Variants in PDE8A observed in about 807,000 individuals in gnomAD.
The protein encoded by PDE8A is high affinity cAMP-specific and IBMX-insensitive 3',5'-cyclic phosphodiesterase 8A.
Under a neutral mutation model 105.0 loss-of-function variants are expected in PDE8A, and 59 were observed. The observed-to-expected ratio is 0.56, with a 90% CI of 0.46 to 0.70. The LOEUF (loss-of-function observed/expected upper bound fraction) is 0.70, where lower values mean the gene tolerates loss of function less well. Ranked by LOEUF, PDE8A falls within the 30% of genes least tolerant of loss-of-function variation. The pLI is 0.00. For missense variants in PDE8A, 1,014 were observed against 1,045.9 expected (o/e 0.97, Z 0.42); for synonymous variants, 355 against 371.9 (o/e 0.95, Z 0.52).
intron 20 of PDE8A, among the ~76,000 whole-genome samples, chr15:85,132,172 A>G (rs764572057): frequency 6.6e-6 from 1 of 152,030 alleles, no homozygotes; most frequent in Non-Finnish European, 1.5e-5. Context: ...GGGTCTCACT[A>G]TGTTGCCCAA....
In PDE8A at chr15:85,115,972, A is replaced by G. The variant is rs758399763; in HGVS notation, c.1400-12A>G. On this transcript the variant is annotated splice_polypyrimidine_tract_variant and intron_variant, in intron 15 of 21. Transcript: ENST00000394553. ...AAAGCCTATTTGTTCTCCAAATTAC[A>G]TCACTTTACAGACACTCAAATGGTT... The G allele has an allele frequency of 1.2e-6, 2 of 1,608,612 alleles. No individual in the cohort carries two copies. The highest frequency in any genetic ancestry group is 1.7e-6 in the Non-Finnish European group (2 of 1,177,168).
intron 2 of PDE8A, among the ~76,000 whole-genome samples, chr15:85,065,236 T>C (rs1169014567): frequency 6.7e-6 from 1 of 149,308 alleles, no homozygotes; most frequent in Non-Finnish European, 1.5e-5. Context: ...ATCTGTAATT[T>C]ATCTAATTCA....
intron 5 of PDE8A, among the ~76,000 whole-genome samples, chr15:85,078,210 G>GAC (rs1252459790): frequency 1.3e-5 from 2 of 149,714 alleles, no homozygotes; most frequent in East Asian, 1.9e-4. Flanking sequence ...TCAAAAGACT[G>GAC]ACACACACAC....
chr15:84,998,727 G>A (rs1055640020), intron 1 of PDE8A, among the ~76,000 whole-genome samples: 3 of 152,004 alleles, frequency 2.0e-5, no homozygotes, highest in Admixed American at 6.6e-5. Flanking sequence ...ATTATGCCCT[G>A]TCTTTTTGTT....
intron 1 of PDE8A, among the ~76,000 whole-genome samples, chr15:85,007,462 A>C (rs1020560018): frequency 3.3e-5 from 5 of 150,974 alleles, no homozygotes; most frequent in African/African-American, 1.2e-4. Context: ...CTGGTTATAC[A>C]GGTACGTTCA....
At chr15:85,103,546 C>T (rs1670863648) in intron 11 of PDE8A, among the ~76,000 whole-genome samples, 1 of 152,178 alleles carries the variant, frequency 6.6e-6, no homozygotes, top group African/African-American at 2.4e-5. Context: ...CAGCCAAAGT[C>T]CTTGGTTATA....
At chr15:85,081,021 CTAAT>C (rs891658076) in intron 5 of PDE8A, among the ~76,000 whole-genome samples, 1 of 152,196 alleles carries the variant, frequency 6.6e-6, no homozygotes, top group Non-Finnish European at 1.5e-5. Flanking sequence ...TTAGTGCTAA[CTAAT>C]CTCATCCAGA....
intron 1 of PDE8A, 76 bp downstream of exon 1, chr15:84,982,424 G>GCCCCT: frequency 1.0e-6 from 1 of 1,001,540 alleles, no homozygotes; most frequent in Non-Finnish European, 1.3e-6. Flanking sequence ...GCAGGGGCCG[G>GCCCCT]GCGGGGTCCC....
intron 8 of PDE8A, 143 bp downstream of exon 8, chr15:85,091,324 T>C (rs1275629204): frequency 1.1e-5 from 7 of 642,760 alleles, no homozygotes; most frequent in Non-Finnish European, 1.7e-5. Flanking sequence ...CCCTGTTATA[T>C]CCATTTTGCA....
intron 20 of PDE8A, among the ~76,000 whole-genome samples, chr15:85,131,502 T>C (rs1271476450): frequency 3.9e-5 from 6 of 152,224 alleles, no homozygotes; most frequent in Non-Finnish European, 5.9e-5. Context: ...GATGTCAACT[T>C]AACATTAATT....
At chr15:84,987,626 C>T (rs928312446) in intron 1 of PDE8A, among the ~76,000 whole-genome samples, 1 of 151,944 alleles carries the variant, frequency 6.6e-6, no homozygotes, top group Non-Finnish European at 1.5e-5. Flanking sequence ...CTTGCACCAC[C>T]ATGCCCGGCT....
chr15:85,046,511 A>G (rs1179678541), intron 1 of PDE8A, among the ~76,000 whole-genome samples: 1 of 152,222 alleles, frequency 6.6e-6, no homozygotes, highest in Non-Finnish European at 1.5e-5. Context: ...ATTAATTCCA[A>G]AATATTTTTT....
chr15:85,083,456 T>G, intron 5 of PDE8A, 100 bp from the exon 6 acceptor site: 1 of 685,236 alleles, frequency 1.5e-6, no homozygotes, highest in Non-Finnish European at 2.6e-6. Context: ...TTTTTAGATT[T>G]CAGTTGCCAA....
chr15:84,986,054 G>A (rs980087204), intron 1 of PDE8A, among the ~76,000 whole-genome samples: 1 of 151,914 alleles, frequency 6.6e-6, no homozygotes, highest in African/African-American at 2.4e-5. Flanking sequence ...TCAAGACTCT[G>A]TCTCTACCAA....
At chr15:85,064,711 T>A (rs949684826) in intron 2 of PDE8A, among the ~76,000 whole-genome samples, 2 of 152,142 alleles carry the variant, frequency 1.3e-5, no homozygotes, top group Admixed American at 6.5e-5. Context: ...CCCAGCACTT[T>A]GGGAGGCTGA....
intron 11 of PDE8A, among the ~76,000 whole-genome samples, chr15:85,108,509 G>T (rs1016209882): frequency 2.6e-5 from 4 of 152,134 alleles, no homozygotes; most frequent in African/African-American, 4.8e-5. Context: ...GACAGTCCCC[G>T]TTTGAAGCCT....
chr15:85,045,284 A>C (rs1010870994), intron 1 of PDE8A, among the ~76,000 whole-genome samples: 3 of 152,232 alleles, frequency 2.0e-5, no homozygotes, highest in African/African-American at 7.2e-5. Context: ...CACATAGTGG[A>C]TGTTCAGTAA....
At chr15:85,054,800 C>G (rs938401004) in intron 1 of PDE8A, among the ~76,000 whole-genome samples, 1 of 152,138 alleles carries the variant, frequency 6.6e-6, no homozygotes, top group Non-Finnish European at 1.5e-5. Flanking sequence ...TTTTTTGTGT[C>G]GCTATCTCCT....
chr15:85,109,836 G>T (rs2081996376), intron 12 of PDE8A, among the ~76,000 whole-genome samples: 1 of 152,220 alleles, frequency 6.6e-6, no homozygotes. Flanking sequence ...ATGACATGCT[G>T]TGTACTCCTT....
Sources: allele counts gnomAD v4.1 joint callset (sites outside exome capture counted in the v4.1 genomes callset), GRCh38; gene constraint gnomAD v4.1.1; transcripts MANE v1.5; gene names NCBI Gene and HGNC (gene_info 2026-07-23, HGNC 2026-07-21).